TENT5D: variants seen among roughly 807,000 people sequenced by gnomAD.
The protein encoded by TENT5D is terminal nucleotidyltransferase 5D, also known as cancer/testis antigen 112.
For missense variants in TENT5D, 191 were observed against 287.0 expected (o/e 0.67, Z 2.42); for synonymous variants, 103 against 100.6 (o/e 1.02, Z -0.15).
chrX:80,340,479 A>G (rs1043928804), intron 2 of TENT5D, among the ~76,000 whole-genome samples: 6 of 111,560 alleles, frequency 5.4e-5, no homozygotes, highest in Admixed American at 4.8e-4. Flanking sequence ...TGTCAAAGTC[A>G]TGGTTGTTAC....
chrX:80,344,076 C>T (rs146020909), intron 3 of TENT5D, among the ~76,000 whole-genome samples: 3,319 of 110,432 alleles, frequency 0.03, 57 homozygotes, highest in Non-Finnish European at 0.044. Context: ...TGAATTAATT[C>T]CCTTAGGATA....
chrX:80,383,862 A>C (rs969849088), intron 3 of TENT5D, among the ~76,000 whole-genome samples: 1 of 111,479 alleles, frequency 9.0e-6, no homozygotes, highest in African/African-American at 3.3e-5. Context: ...TCTCAAAAAA[A>C]AAAAGTAGTT....
At chrX:80,359,809 C>T (rs1386125396) in intron 3 of TENT5D, among the ~76,000 whole-genome samples, 3 of 111,599 alleles carry the variant, frequency 2.7e-5, no homozygotes, top group Non-Finnish European at 5.7e-5. Flanking sequence ...CCTGTTTCCA[C>T]TCTAGAGATA....
At chrX:80,367,364 G>A (rs985485590) in intron 3 of TENT5D, among the ~76,000 whole-genome samples, 3 of 111,628 alleles carry the variant, frequency 2.7e-5, no homozygotes, top group Admixed American at 9.6e-5. Flanking sequence ...TGATGGTGTA[G>A]AGAAAAGGGA....
rs1236736234 is a variant in TENT5D, at chrX:80,391,437, A to T, written c.-141-47173A>T. On this transcript the variant is annotated intron_variant, in intron 3 of 4. Transcript: ENST00000538312. ...AATAATATTCTGCTACTTTTTAAAC[A>T]TTATTCATTCTGAATTATGGCATAA... Among the ~76,000 whole-genome samples the T allele has an allele frequency of 7.1e-5, 8 of 112,360 alleles. No individual in the cohort carries two copies. The Admixed American group carries it at 7.6e-4, about 11-fold the overall frequency.
chrX:80,367,477 A>T (rs1374727069), intron 3 of TENT5D, among the ~76,000 whole-genome samples: 1 of 111,466 alleles, frequency 9.0e-6, no homozygotes, highest in Non-Finnish European at 1.9e-5. Context: ...ACAATCCAGC[A>T]ATCTCACTGC....
chrX:80,381,204 C>T (rs975178219), intron 3 of TENT5D, among the ~76,000 whole-genome samples: 4 of 110,952 alleles, frequency 3.6e-5, no homozygotes, highest in Admixed American at 2.9e-4. Flanking sequence ...ATTTTATTTC[C>T]CCTTCACTTA....
intron 3 of TENT5D, among the ~76,000 whole-genome samples, chrX:80,346,814 G>T (rs1316384637): frequency 9.0e-6 from 1 of 110,512 alleles, no homozygotes; most frequent in Non-Finnish European, 1.9e-5. Flanking sequence ...TTGTCCTAAT[G>T]CTCTCCCTCC....
At chrX:80,352,099 A>G (rs1308382997) in intron 3 of TENT5D, among the ~76,000 whole-genome samples, 2 of 111,935 alleles carry the variant, frequency 1.8e-5, no homozygotes, top group African/African-American at 6.5e-5. Flanking sequence ...GTTGGGAGGT[A>G]TTCTCCCAGT....
At chrX:80,371,725 GAA>G (rs1228903324) in intron 3 of TENT5D, among the ~76,000 whole-genome samples, 2 of 111,861 alleles carry the variant, frequency 1.8e-5, no homozygotes, top group African/African-American at 6.5e-5. Flanking sequence ...TCATTGAATT[GAA>G]AAGAGTTGGG....
intron 2 of TENT5D, among the ~76,000 whole-genome samples, chrX:80,336,679 C>T (rs777963504): frequency 9.0e-6 from 1 of 110,571 alleles, no homozygotes; most frequent in African/African-American, 3.3e-5. Flanking sequence ...CATATATAGA[C>T]CAGAACAATC....
At chrX:80,346,588 C>T (rs181568484) in intron 3 of TENT5D, among the ~76,000 whole-genome samples, 76 of 111,833 alleles carry the variant, frequency 6.8e-4, no homozygotes, top group Non-Finnish European at 7.1e-4. Flanking sequence ...TCTAAAGGCT[C>T]ATGATAGTGC....
At chrX:80,398,915 A>G (rs948796856) in intron 3 of TENT5D, among the ~76,000 whole-genome samples, 1 of 111,765 alleles carries the variant, frequency 8.9e-6, no homozygotes, top group Admixed American at 9.5e-5. Context: ...CAAAAATAAC[A>G]ACGTTGCATG....
chrX:80,414,408 A>G (rs1931727572), intron 3 of TENT5D, among the ~76,000 whole-genome samples: 2 of 111,780 alleles, frequency 1.8e-5, no homozygotes, highest in Admixed American at 9.5e-5. Flanking sequence ...AACCCCAAAT[A>G]TCTGCAACAG....
chrX:80,411,903 G>A, intron 3 of TENT5D, among the ~76,000 whole-genome samples: 1 of 111,786 alleles, frequency 8.9e-6, no homozygotes, highest in Non-Finnish European at 1.9e-5. Context: ...GAGGATGGTG[G>A]CCATCTTCTC....
At chrX:80,396,262 C>T (rs1339669094) in intron 3 of TENT5D, among the ~76,000 whole-genome samples, 1 of 110,658 alleles carries the variant, frequency 9.0e-6, no homozygotes. Context: ...TTTGAGGAAA[C>T]TTTATACTGT....
intron 3 of TENT5D, among the ~76,000 whole-genome samples, chrX:80,361,767 C>T (rs1478686289): frequency 8.9e-6 from 1 of 111,967 alleles, no homozygotes; most frequent in African/African-American, 3.2e-5. Flanking sequence ...AGTTCTTGGA[C>T]ATGTGTCTAC....
At chrX:80,388,508 G>A (rs1274844105) in intron 3 of TENT5D, among the ~76,000 whole-genome samples, 2 of 111,452 alleles carry the variant, frequency 1.8e-5, no homozygotes, top group Non-Finnish European at 3.8e-5. Flanking sequence ...GTTCCCTTCT[G>A]GCCCAGTATA....
chrX:80,443,159 T>C (rs763963851), exon 3 of TENT5D: 2 of 1,211,065 alleles, frequency 1.7e-6, no homozygotes, highest in South Asian at 3.5e-5. Flanking sequence ...GCTGAAAGCA[T>C]GTATGGAGAC....
Sources: allele counts gnomAD v4.1 joint callset (sites outside exome capture counted in the v4.1 genomes callset), GRCh38; gene constraint gnomAD v4.1.1; transcripts MANE v1.5; gene names NCBI Gene and HGNC (gene_info 2026-07-23, HGNC 2026-07-21).